CPA6: variants seen among roughly 807,000 people sequenced by gnomAD.
CPA6 encodes the protein carboxypeptidase B.
Under a neutral mutation model 63.3 loss-of-function variants are expected in CPA6, and 58 were observed. That is an observed-to-expected ratio of 0.92 (90% CI 0.74 to 1.14). The LOEUF (loss-of-function observed/expected upper bound fraction) is 1.14. Ranked by LOEUF, CPA6 falls within the 50% of genes most tolerant of loss-of-function variation. The pLI, the probability that CPA6 is intolerant of heterozygous loss-of-function variation, is 0.00. For synonymous variants in CPA6, 185 were observed against 179.0 expected, an observed-to-expected ratio of 1.03 and a Z score of -0.27; for missense variants, 565 against 526.6, an observed-to-expected ratio of 1.07 and a Z score of -0.71.
chr8:67,733,814 G>T (rs1324613329), intron 1 of CPA6, among the ~76,000 whole-genome samples: 1 of 150,422 alleles, frequency 6.6e-6, no homozygotes, highest in Non-Finnish European at 1.5e-5. Context: ...AAGGATAGAA[G>T]CTGAGATAAC....
intron 6 of CPA6, 90 bp downstream of exon 6, chr8:67,506,697 G>T: frequency 1.3e-6 from 1 of 799,286 alleles, no homozygotes; most frequent in Non-Finnish European, 2.2e-6. Flanking sequence ...AGGTATCATT[G>T]GTTTCAAATT....
chr8:67,428,450 G>A (rs1809944446), intron 9 of CPA6, among the ~76,000 whole-genome samples: 1 of 152,074 alleles, frequency 6.6e-6, no homozygotes, highest in Non-Finnish European at 1.5e-5. Flanking sequence ...GGCTGACTTA[G>A]TGTTCCGTTC....
chr8:67,533,537 A>G (rs1159193158), intron 2 of CPA6, among the ~76,000 whole-genome samples: 1 of 152,184 alleles, frequency 6.6e-6, no homozygotes, highest in Non-Finnish European at 1.5e-5. Context: ...CTGTCCTATC[A>G]TCTCCCAGTT....
intron 8 of CPA6, among the ~76,000 whole-genome samples, chr8:67,440,676 C>T (rs561933425): frequency 6.6e-6 from 1 of 152,188 alleles, no homozygotes; most frequent in South Asian, 2.1e-4. Flanking sequence ...GATGGTGTAG[C>T]CCATTGCTCT....
chr8:67,742,339 C>T (rs1345463565), intron 1 of CPA6, among the ~76,000 whole-genome samples: 3 of 152,100 alleles, frequency 2.0e-5, no homozygotes, highest in African/African-American at 4.8e-5. Flanking sequence ...GTTCCCCAAA[C>T]AAGAGTAAAT....
intron 8 of CPA6, among the ~76,000 whole-genome samples, chr8:67,434,827 A>G (rs1363594941): frequency 2.6e-5 from 4 of 152,214 alleles, no homozygotes; most frequent in African/African-American, 9.6e-5. Context: ...ACCGCTGACA[A>G]AGGAGCCTCA....
At chr8:67,554,309 G>A (rs1335529098) in intron 2 of CPA6, among the ~76,000 whole-genome samples, 1 of 152,156 alleles carries the variant, frequency 6.6e-6, no homozygotes. Flanking sequence ...GGTGAAGGGG[G>A]AGCTGGTGTC....
At chr8:67,434,940 C>T (rs1184267097) in intron 8 of CPA6, among the ~76,000 whole-genome samples, 8 of 152,236 alleles carry the variant, frequency 5.3e-5, no homozygotes, top group Non-Finnish European at 7.3e-5. Context: ...CAGGCGCCTG[C>T]GCCCAGACCC....
In CPA6 at chr8:67,433,586, G is replaced by T. The variant is rs188869510; in HGVS notation, c.1041+452C>A. Among the ~76,000 whole-genome samples the T allele has an allele frequency of 2.1e-3, 322 of 152,264 alleles. 1 individual carries two copies. The highest frequency in any genetic ancestry group is 7.2e-3 in the African/African-American group (299 of 41,548). On this transcript the variant is annotated intron_variant, in intron 9 of 10. Transcript: ENST00000297770. ...TAATGAGAATCAATCTATAATTTAT[G>T]AATAATCATTTACTCAATAAAATTA...
chr8:67,480,392 T>C, intron 8 of CPA6, among the ~76,000 whole-genome samples: 1 of 152,182 alleles, frequency 6.6e-6, no homozygotes, highest in East Asian at 1.9e-4. Context: ...ATCTACTCTC[T>C]ATCTCTATAG....
chr8:67,677,185 G>T (rs1479908366), intron 1 of CPA6, among the ~76,000 whole-genome samples: 1 of 152,052 alleles, frequency 6.6e-6, no homozygotes, highest in African/African-American at 2.4e-5. Context: ...GTCACAGCAG[G>T]TATTTATATA....
At chr8:67,652,024 G>A (rs1815853784) in intron 1 of CPA6, among the ~76,000 whole-genome samples, 1 of 151,980 alleles carries the variant, frequency 6.6e-6, no homozygotes, top group Non-Finnish European at 1.5e-5. Flanking sequence ...ATAGTTTGCT[G>A]GGAATGATGG....
intron 1 of CPA6, among the ~76,000 whole-genome samples, chr8:67,627,959 T>A (rs560808800): frequency 6.6e-6 from 1 of 152,302 alleles, no homozygotes; most frequent in Non-Finnish European, 1.5e-5. Flanking sequence ...GATCTCCAAC[T>A]CTATATTATG....
At chr8:67,607,291 T>A (rs1022129099) in intron 2 of CPA6, among the ~76,000 whole-genome samples, 2 of 150,602 alleles carry the variant, frequency 1.3e-5, no homozygotes, top group African/African-American at 4.9e-5. Flanking sequence ...CTTGTTATTA[T>A]TTTGCTTCCT....
chr8:67,512,328 C>T (rs1478357288), intron 3 of CPA6, among the ~76,000 whole-genome samples: 1 of 152,108 alleles, frequency 6.6e-6, no homozygotes, highest in African/African-American at 2.4e-5. Context: ...GCACCCCTGA[C>T]CCAAGACAGA....
chr8:67,529,120 A>G (rs1435226550), intron 2 of CPA6, among the ~76,000 whole-genome samples: 1 of 151,922 alleles, frequency 6.6e-6, no homozygotes, highest in African/African-American at 2.4e-5. Flanking sequence ...TACTTAATGG[A>G]TCCCAACTTG....
At chr8:67,520,913 G>A (rs1035703423) in intron 2 of CPA6, among the ~76,000 whole-genome samples, 3 of 152,122 alleles carry the variant, frequency 2.0e-5, no homozygotes, top group Non-Finnish European at 4.4e-5. Context: ...CTCACATTCT[G>A]GTCTTTCCTG....
intron 2 of CPA6, among the ~76,000 whole-genome samples, chr8:67,527,833 T>G (rs1280108964): frequency 2.0e-5 from 3 of 152,234 alleles, no homozygotes; most frequent in African/African-American, 4.8e-5. Context: ...GTACATTGTT[T>G]TTTCTTCCAT....
chr8:67,526,572 C>T (rs569831137), intron 2 of CPA6, among the ~76,000 whole-genome samples: 1 of 152,174 alleles, frequency 6.6e-6, no homozygotes, highest in Non-Finnish European at 1.5e-5. Flanking sequence ...CTGGCTCTTC[C>T]TTTTTTCAGG....
Sources: gnomAD v4.1 joint callset for allele counts (sites outside exome capture counted in the v4.1 genomes callset) on GRCh38, gnomAD v4.1.1 for gene constraint, MANE v1.5 for transcripts, NCBI Gene and HGNC (gene_info 2026-07-23, HGNC 2026-07-21) for gene names.